The following MACF1 variants were observed in gnomAD, a reference collection of about 807,000 sequenced individuals.
The protein encoded by MACF1 is microtubule actin crosslinking factor 1, also known as microtubule-actin cross-linking factor 1.
In MACF1, 193 loss-of-function variants were observed where a neutral mutation model predicts 854.8. That is an observed-to-expected ratio of 0.23 (90% confidence interval 0.20 to 0.25). The LOEUF (loss-of-function observed/expected upper bound fraction) is 0.25, where lower values mean the gene tolerates loss of function less well. Ranked by LOEUF, MACF1 falls within the 10% of genes least tolerant of loss-of-function variation. The probability of loss-of-function intolerance (pLI) is 1.00; values close to 1 mark genes in which losing one functional copy is unlikely to be tolerated. For missense variants in MACF1, 7,722 were observed against 8,929.1 expected (o/e 0.86, Z 5.45); for synonymous variants, 3,185 against 3,226.7 (o/e 0.99, Z 0.44).
chr1:39,152,323 A>G (rs1038361859), intron 2 of MACF1, among the ~76,000 whole-genome samples: 4 of 152,216 alleles, frequency 2.6e-5, no homozygotes, highest in African/African-American at 9.6e-5. Context: ...TTGCTGTTTC[A>G]AAAGGTATGT....
intron 52 of MACF1, among the ~76,000 whole-genome samples, chr1:39,375,347 G>C (rs1005116503): frequency 6.6e-6 from 1 of 151,382 alleles, no homozygotes; most frequent in Admixed American, 6.6e-5. Context: ...TGTTGCCCAG[G>C]CTGGAGTGCA....
chr1:39,130,549 T>A (rs2148170278), intron 2 of MACF1, among the ~76,000 whole-genome samples: 1 of 152,310 alleles, frequency 6.6e-6, no homozygotes, highest in East Asian at 1.9e-4. Context: ...CATCTCATTG[T>A]TCAGATCAAG....
intron 14 of MACF1, 30 bp downstream of exon 14, chr1:39,285,788 T>TC (rs1645630510): frequency 1.2e-6 from 2 of 1,609,566 alleles, no homozygotes; most frequent in East Asian, 2.2e-5. Context: ...AATGGAGGGC[T>TC]TGCTTGCTTA....
intron 2 of MACF1, among the ~76,000 whole-genome samples, chr1:39,132,725 G>C (rs545883167): frequency 1.3e-5 from 2 of 152,090 alleles, no homozygotes; most frequent in African/African-American, 4.8e-5. Flanking sequence ...TGAGTACCAG[G>C]AGACACTTGA....
chr1:39,336,171 G>A lies in MACF1; in HGVS notation c.9583G>A (p.Asp3195Asn), dbSNP rs756855238. ...KLEEITVSRP[D>N]SKEVRYLEFS... is the part of the protein sequence containing the mutation. ...GGAAGAAATCACAGTTTCTAGACCA[G>A]ATTCAAAAGAAGTCAGGTATCTAGA... Residue 3195 changes from aspartate (D) to asparagine (N), a missense_variant, in exon 37 of 101, where the codon GAT becomes AAT. Asp to Asn is a conservative substitution (Grantham distance 23). Transcript: ENST00000564288. 5 of 1,614,048 alleles carry A rather than the reference G, an allele frequency of 3.1e-6. No individual in the cohort carries two copies. In the South Asian group the frequency reaches 3.3e-5, roughly 11 times the overall value.
chr1:39,459,359 A>G (rs1387366618), intron 91 of MACF1, 110 bp downstream of exon 91: 2 of 1,158,526 alleles, frequency 1.7e-6, no homozygotes, highest in Non-Finnish European at 2.4e-6. Context: ...TTACTTTTTC[A>G]CAATAGAAAC....
At position 39,416,910 on chromosome 1, in the gene MACF1, T is replaced by TA. The variant is rs931914600; in HGVS notation, c.15817-5463dup. 3.9e-5 allele frequency among the ~76,000 whole-genome samples: 6 copies of TA among 152,194 alleles called. No individual in the cohort carries two copies. In the East Asian group the frequency reaches 1.2e-3, roughly 29 times the overall value. The stretch of plus-strand genomic sequence containing the variant: ...GAATGTAGAGAGGCCATTTTGAAAA[T>TA]ATTGAAACAAAACAAATCATTATAG... On this transcript the variant is annotated intron_variant, in intron 58 of 100. Coordinates refer to ENST00000564288, the MANE Select transcript of MACF1 (RefSeq NM_001394062.1).
chr1:39,302,199 T>C (rs989260535), intron 22 of MACF1, among the ~76,000 whole-genome samples: 30 of 152,140 alleles, frequency 2.0e-4, no homozygotes, highest in African/African-American at 7.0e-4. Flanking sequence ...GGTTTTACTA[T>C]GTTGCCTAGG....
At chr1:39,414,679 C>G in intron 58 of MACF1, 1 of 776,290 alleles carries the variant, frequency 1.3e-6, no homozygotes, top group Non-Finnish European at 2.0e-6. Flanking sequence ...TAATTTCATG[C>G]TTCGTTTTTT....
At chr1:39,167,505 A>G (rs142303187) in intron 2 of MACF1, among the ~76,000 whole-genome samples, 6,389 of 151,900 alleles carry the variant, frequency 0.042, 215 homozygotes, top group Non-Finnish European at 0.065. Context: ...TCAGGAGTTC[A>G]AGACCAGCCT....
intron 1 of MACF1, 115 bp downstream of exon 1, chr1:39,205,246 T>G: frequency 3.0e-6 from 2 of 659,990 alleles, no homozygotes; most frequent in Non-Finnish European, 5.5e-6. Context: ...GTCCTTCAGC[T>G]GGGGTGCTGT....
chr1:39,298,603 G>A (rs1331804072), intron 21 of MACF1: 3 of 420,068 alleles, frequency 7.1e-6, no homozygotes, highest in Admixed American at 5.7e-5. Flanking sequence ...TTTTTTTGTC[G>A]GTAAAATTTG....
Position 39,310,233 on chromosome 1 carries a change from T to C in MACF1, c.2917-12T>C. On this transcript the variant is annotated splice_polypyrimidine_tract_variant and intron_variant, in intron 24 of 100. Transcript: ENST00000564288. ...TATTCTGTTGCAATTTCTTCTGGCT[T>C]TTTCTTTCTAGCTTCGATCCTCAGC... 6.3e-7 allele frequency: 1 copy of C among 1,593,346 alleles called. No individual in the cohort carries two copies. The highest frequency in any genetic ancestry group is 1.1e-5 in the South Asian group (1 of 87,454).
intron 2 of MACF1, among the ~76,000 whole-genome samples, chr1:39,192,406 A>G (rs1644264141): frequency 6.6e-6 from 1 of 152,156 alleles, no homozygotes; most frequent in Non-Finnish European, 1.5e-5. Context: ...TATTTTCTCT[A>G]TAAGGACTCA....
intron 2 of MACF1, among the ~76,000 whole-genome samples, chr1:39,098,106 A>G (rs1160577918): frequency 6.6e-6 from 1 of 152,238 alleles, no homozygotes; most frequent in Non-Finnish European, 1.5e-5. Flanking sequence ...GAGATTGGGT[A>G]TGGTTCAGCA....
At chr1:39,169,369 A>G (rs1411858221) in intron 2 of MACF1, among the ~76,000 whole-genome samples, 2 of 152,142 alleles carry the variant, frequency 1.3e-5, no homozygotes, top group South Asian at 2.1e-4. Flanking sequence ...GCTGAGGCAG[A>G]AGGATTGCTT....
chr1:39,263,085 C>T (rs1292619828), intron 6 of MACF1, among the ~76,000 whole-genome samples: 1 of 151,074 alleles, frequency 6.6e-6, no homozygotes, highest in African/African-American at 2.4e-5. Flanking sequence ...CTGTTCTCAC[C>T]AAGAACATAT....
chr1:39,333,879 G>T lies in MACF1; in HGVS notation c.7291G>T (p.Val2431Leu), dbSNP rs1237225158. ...SVTLASTLGLVDVADQPELIN... is the reference protein window; with the variant it reads ...SVTLASTLGLLDVADQPELIN... ...AACTTTGGCCTCAACTCTTGGCTTG[G>T]TGGACGTTGCTGACCAGCCAGAACT... Residue 2431 changes from valine to leucine, a missense_variant, in exon 37 of 101, where the codon GTG (valine) becomes TTG (leucine). By Grantham distance (32) the Val-to-Leu change is conservative. Transcript: ENST00000564288. The T allele has an allele frequency of 6.2e-7, 1 of 1,614,058 alleles. No homozygotes were observed. Among genetic ancestry groups the T allele is most frequent in the African/African-American group, 1.3e-5 (1 of 74,924 alleles).
At chr1:39,309,399 CAATT>C (rs1302785338) in intron 23 of MACF1, among the ~76,000 whole-genome samples, 167 bp from the exon 24 acceptor site, 1 of 152,092 alleles carries the variant, frequency 6.6e-6, no homozygotes, top group Non-Finnish European at 1.5e-5. Flanking sequence ...CGCCCAGCCT[CAATT>C]AATTTAGTTC....
Sources: allele counts gnomAD v4.1 joint callset (sites outside exome capture counted in the v4.1 genomes callset), GRCh38; gene constraint gnomAD v4.1.1; transcripts MANE v1.5; gene names NCBI Gene and HGNC (gene_info 2026-07-23, HGNC 2026-07-21).